Variants in CENPK observed in about 807,000 individuals in gnomAD.
The protein encoded by CENPK is SoxLZ/Sox6-binding protein Solt.
In CENPK, 46 loss-of-function variants were observed where a neutral mutation model predicts 40.9. The ratio of observed to expected loss-of-function variants is 1.13; its 90% confidence interval spans 0.89 to 1.44. The LOEUF (loss-of-function observed/expected upper bound fraction) is 1.44, where lower values mean the gene tolerates loss of function less well. Ranked by LOEUF, CENPK falls within the 40% of genes most tolerant of loss-of-function variation. The probability of loss-of-function intolerance (pLI) is 0.00; values close to 1 mark genes in which losing one functional copy is unlikely to be tolerated. For synonymous variants in CENPK, 107 were observed against 104.4 expected (o/e 1.02, Z -0.15); for missense variants, 288 against 303.5 (o/e 0.95, Z 0.38).
chr5:65,551,458 C>T, intron 5 of CENPK, 106 bp downstream of exon 5: 2 of 596,384 alleles, frequency 3.4e-6, no homozygotes, highest in Non-Finnish European at 5.7e-6. Context: ...GAAATTTGGG[C>T]AATTTCAAAA....
At chr5:65,495,882 T>C in the CENPK span, among the ~76,000 whole-genome samples, 1 of 152,188 alleles carries the variant, frequency 6.6e-6, no homozygotes, top group Non-Finnish European at 1.5e-5. Context: ...AAGGGTTCCA[T>C]TAAATGGGCA....
intron 6 of CENPK, chr5:65,529,562 A>G (rs1213668662): frequency 1.2e-5 from 2 of 171,780 alleles, no homozygotes; most frequent in Non-Finnish European, 2.5e-5. Context: ...ATCTCAGCTC[A>G]CTGCAAGCTC....
rs757544245 is a variant in CENPK at position 65,542,334 on chromosome 5, C to T, written c.288+468G>A. 3.3e-5 allele frequency among the ~76,000 whole-genome samples: 5 copies of T among 152,170 alleles called. No individual in the cohort carries two copies. In the East Asian group the frequency reaches 9.6e-4, roughly 29 times the overall value. The stretch of plus-strand genomic sequence containing the variant: ...TCAGTAATAGTTCTGATGCAAAAAC[C>T]GAGTTCAAAATTCAAATCTTTAGGC... On this transcript the variant is annotated intron_variant, in intron 6 of 10. Coordinates refer to ENST00000396679, the MANE Select transcript of CENPK (RefSeq NM_022145.5).
intron 9 of CENPK, among the ~76,000 whole-genome samples, chr5:65,521,950 A>G (rs1365414765): frequency 6.6e-6 from 1 of 152,194 alleles, no homozygotes; most frequent in African/African-American, 2.4e-5. Context: ...CAAAGTAACT[A>G]AAATCAAATA....
rs1270744844 is a variant in CENPK, at chr5:65,521,522, T to A, written c.604A>T (p.Ile202Phe). 6.2e-7 allele frequency: 1 copy of A among 1,601,314 alleles called. No individual in the cohort carries two copies. Among genetic ancestry groups the A allele is most frequent in the African/African-American group, 1.3e-5 (1 of 74,644 alleles). ...DRSVKKKKKN[I>F]QESSVNLITL... is the part of the protein sequence containing the mutation. ...ATCAGGTTTACAGATGATTCTTGAATGTTTTTCTTCAAGAGAAATGTGAAT... is the reference window on the plus strand; with the variant it reads ...ATCAGGTTTACAGATGATTCTTGAAAGTTTTTCTTCAAGAGAAATGTGAAT... Residue 202 changes from isoleucine (I) to phenylalanine (F), a missense_variant, in exon 10 of 11, where the codon ATT becomes TTT. Coordinates refer to ENST00000396679, the MANE Select transcript of CENPK (RefSeq NM_022145.5).
chr5:65,553,442 G>A (rs1750469862), intron 3 of CENPK, among the ~76,000 whole-genome samples: 1 of 131,984 alleles, frequency 7.6e-6, no homozygotes. Context: ...GCCGCAGGTT[G>A]GACAAGCTTG....
chr5:65,535,571 A>G (rs1203775787), intron 6 of CENPK, among the ~76,000 whole-genome samples: 1 of 152,242 alleles, frequency 6.6e-6, no homozygotes, highest in Non-Finnish European at 1.5e-5. Flanking sequence ...AACCCTAAAC[A>G]AGGCTCAAGT....
the CENPK span, among the ~76,000 whole-genome samples, chr5:65,499,665 TAA>T: frequency 0.022 from 2,054 of 93,428 alleles, 11 homozygotes; most frequent in African/African-American, 0.043. Context: ...TTTTTTTTTT[TAA>T]TTTTTTTTTT....
chr5:65,542,717 T>C, intron 6 of CENPK, 85 bp downstream of exon 6: 1 of 949,360 alleles, frequency 1.1e-6, no homozygotes, highest in African/African-American at 1.7e-5. Context: ...AGTGGTTTTA[T>C]CCTATTTCTT....
chr5:65,535,639 C>T (rs1746754714), intron 6 of CENPK, among the ~76,000 whole-genome samples: 2 of 152,190 alleles, frequency 1.3e-5, no homozygotes, highest in African/African-American at 4.8e-5. Context: ...GAATTAAGCG[C>T]ATCCACACAA....
chr5:65,503,839 G>A, the CENPK span, among the ~76,000 whole-genome samples: 3 of 151,716 alleles, frequency 2.0e-5, no homozygotes, highest in Non-Finnish European at 4.4e-5. Flanking sequence ...GTATTTTTTA[G>A]TAGAGATGGG....
chr5:65,542,424 G>C (rs1160778782), intron 6 of CENPK, among the ~76,000 whole-genome samples: 1 of 152,174 alleles, frequency 6.6e-6, no homozygotes, highest in East Asian at 1.9e-4. Context: ...AGATCACGAA[G>C]TCAGGAGTTC....
At chr5:65,506,762 G>A in the CENPK span, among the ~76,000 whole-genome samples, 1 of 151,880 alleles carries the variant, frequency 6.6e-6, no homozygotes, top group East Asian at 1.9e-4. Flanking sequence ...TCCAGCCTGG[G>A]CAGCAGAGCG....
At chr5:65,529,632 G>A (rs1276861953) in intron 6 of CENPK, 2 of 155,250 alleles carry the variant, frequency 1.3e-5, no homozygotes, top group Non-Finnish European at 2.8e-5. Context: ...GACTACAGGT[G>A]CCCGCCACCA....
chr5:65,559,498 G>A (rs1357602143), intron 2 of CENPK, among the ~76,000 whole-genome samples: 2 of 150,796 alleles, frequency 1.3e-5, no homozygotes, highest in Non-Finnish European at 3.0e-5. Flanking sequence ...GCGTAGTGGC[G>A]GGCGCCTGTA....
the CENPK span, among the ~76,000 whole-genome samples, chr5:65,499,076 T>C: frequency 1.3e-5 from 2 of 151,440 alleles, no homozygotes; most frequent in Admixed American, 6.6e-5. Context: ...CCCAGGGTTA[T>C]CTTGAACTCC....
Position 65,561,469 on chromosome 5 carries a change from A to G in CENPK, c.-46T>C. On this transcript the variant is annotated 5_prime_UTR_variant, in exon 2 of 11. Coordinates refer to ENST00000396679, the MANE Select transcript of CENPK (RefSeq NM_022145.5). ...TTAAGAGTTTGCTCTCTACCGCTTGAGGATGCAAGATGTAAGCTGTATGTA... is the reference window on the plus strand; with the variant it reads ...TTAAGAGTTTGCTCTCTACCGCTTGGGGATGCAAGATGTAAGCTGTATGTA... 2.2e-6 allele frequency: 1 copy of G among 455,404 alleles called. No individual in the cohort carries two copies. Among genetic ancestry groups the G allele is most frequent in the Non-Finnish European group, 4.4e-6 (1 of 226,518 alleles). 28.2% of individuals were successfully genotyped at this position (455,404 alleles called of 1,614,324 possible).
At chr5:65,501,113 A>G in the CENPK span, among the ~76,000 whole-genome samples, 60,711 of 138,674 alleles carry the variant, frequency 0.44, 12,705 homozygotes, top group East Asian at 0.67. Context: ...TATATCTTCT[A>G]TTTCTTTGCT....
Position 65,542,815 on chromosome 5 carries a change from A to T in CENPK, c.275T>A (p.Leu92Ter), listed in dbSNP as rs773540586. The change falls in exon 6 of 11, where the codon TTA becomes TAA. Residue 92 changes from leucine to a stop codon, truncating the protein, a stop_gained. Transcript: ENST00000396679. LOFTEE classifies it high-confidence loss of function. ...TGAGTGGCTTACCTCTTCTTTTCCT[A>T]ATGTTATGAGAACGTCTTCAGTCAA... is the stretch of plus-strand genomic sequence containing the variant. The part of the protein sequence containing the change: ...IPLTEDVLIT[L>*]GKEEFQKLRQ... 5.6e-6 allele frequency: 9 copies of T among 1,609,858 alleles called. No homozygotes were observed. The highest frequency in any genetic ancestry group is 7.6e-6 in the Non-Finnish European group (9 of 1,178,260).
Sources: gnomAD v4.1 joint callset for allele counts (sites outside exome capture counted in the v4.1 genomes callset) on GRCh38, gnomAD v4.1.1 for gene constraint, MANE v1.5 for transcripts, NCBI Gene and HGNC (gene_info 2026-07-23, HGNC 2026-07-21) for gene names.